The following SULF1 variants were observed in gnomAD, a reference collection of about 807,000 sequenced individuals.
The protein encoded by SULF1 is extracellular sulfatase Sulf-1.
SULF1 carries 46 observed loss-of-function variants against 110.5 expected under a neutral mutation model. The ratio of observed to expected loss-of-function variants is 0.42; its 90% CI spans 0.33 to 0.53. SULF1 has a LOEUF of 0.53. Among genes scored for constraint, SULF1 ranks in the 20% least tolerant of loss-of-function variants. The pLI, the probability that SULF1 is intolerant of heterozygous loss-of-function variation, is 0.12. For missense variants in SULF1, 941 were observed against 1,094.2 expected, an observed-to-expected ratio of 0.86 and a Z score of 1.98; for synonymous variants, 371 against 387.1, an observed-to-expected ratio of 0.96 and a Z score of 0.49.
At chr8:69,543,308 T>C (rs541284553) in intron 3 of SULF1, among the ~76,000 whole-genome samples, 85 of 152,248 alleles carry the variant, frequency 5.6e-4, no homozygotes, top group African/African-American at 1.9e-3. Flanking sequence ...TTGCTGCACC[T>C]ATCATCCATC....
intron 15 of SULF1, among the ~76,000 whole-genome samples, chr8:69,624,502 C>T (rs1266731383): frequency 2.0e-5 from 3 of 152,224 alleles, no homozygotes; most frequent in Non-Finnish European, 2.9e-5. Context: ...CTTGACTTAG[C>T]AGGCATGGAG....
At chr8:69,616,225 TATA>T (rs1563590496) in intron 13 of SULF1, among the ~76,000 whole-genome samples, 15 of 145,282 alleles carry the variant, frequency 1.0e-4, no homozygotes, top group East Asian at 5.9e-4. Context: ...TATATATATA[TATA>T]TATTTTTTTG....
intron 13 of SULF1, among the ~76,000 whole-genome samples, chr8:69,616,150 G>A (rs138664970): frequency 0.016 from 2,305 of 141,286 alleles, 82 homozygotes; most frequent in African/African-American, 0.058. Flanking sequence ...ACACATATAT[G>A]TGTGTGTATA....
intron 22 of SULF1, among the ~76,000 whole-genome samples, chr8:69,647,515 G>A (rs1230366428): frequency 2.0e-5 from 3 of 152,032 alleles, no homozygotes; most frequent in East Asian, 1.9e-4. Flanking sequence ...AATTATGTAG[G>A]TTAGAAATTT....
intron 21 of SULF1, 128 bp from the exon 22 acceptor site, chr8:69,640,680 G>A (rs1479905745): frequency 3.1e-6 from 2 of 641,490 alleles, no homozygotes; most frequent in African/African-American, 3.8e-5. Flanking sequence ...TTGGGCTTCA[G>A]CACTGTCTGT....
At chr8:69,482,811 A>G (rs1357862973) in intron 1 of SULF1, among the ~76,000 whole-genome samples, 1 of 152,308 alleles carries the variant, frequency 6.6e-6, no homozygotes, top group Non-Finnish European at 1.5e-5. Context: ...GGCAAAGTGA[A>G]CAACTAGGAT....
chr8:69,468,995 G>C (rs1349075258), intron 1 of SULF1, among the ~76,000 whole-genome samples: 1 of 152,300 alleles, frequency 6.6e-6, no homozygotes, highest in African/African-American at 2.4e-5. Flanking sequence ...ACAGGATTAG[G>C]CAGGATAGAA....
intron 19 of SULF1, among the ~76,000 whole-genome samples, chr8:69,635,133 A>G (rs1198776344): frequency 6.6e-6 from 1 of 152,252 alleles, no homozygotes; most frequent in African/African-American, 2.4e-5. Context: ...AACTAAAAAC[A>G]AAATCATTCC....
At chr8:69,507,872 C>T (rs1298747067) in intron 3 of SULF1, among the ~76,000 whole-genome samples, 1 of 151,946 alleles carries the variant, frequency 6.6e-6, no homozygotes, top group Non-Finnish European at 1.5e-5. Flanking sequence ...TATGATTTTG[C>T]TCTCAAATTA....
chr8:69,547,226 T>A (rs1210866471), intron 3 of SULF1, among the ~76,000 whole-genome samples: 1 of 152,246 alleles, frequency 6.6e-6, no homozygotes, highest in Admixed American at 6.5e-5. Context: ...TGCTCTAATT[T>A]CCCATGTAAG....
chr8:69,548,640 TA>T (rs1814462406), intron 3 of SULF1, among the ~76,000 whole-genome samples: 1 of 149,628 alleles, frequency 6.7e-6, no homozygotes, highest in African/African-American at 2.5e-5. Flanking sequence ...TTTGTATTTT[TA>T]GTAGAGACAG....
rs532312554 is a variant in SULF1, at chr8:69,658,491, C to G, written c.2586-14C>G. 3.2e-6 allele frequency: 5 copies of G among 1,564,094 alleles called. No individual in the cohort carries two copies. In the East Asian group the frequency reaches 1.1e-4, roughly 35 times the overall value. On this transcript the variant is annotated splice_polypyrimidine_tract_variant and intron_variant, in intron 22 of 22. Transcript: ENST00000402687. Reference sequence around the variant, plus strand: ...TTCTCCACTAATGATTCACCTTCTTCTCTCTTTTCACAGAGGACAGTTATG... The same window carrying G: ...TTCTCCACTAATGATTCACCTTCTTGTCTCTTTTCACAGAGGACAGTTATG...
chr8:69,557,633 G>A (rs954022587), intron 3 of SULF1, among the ~76,000 whole-genome samples: 3 of 152,052 alleles, frequency 2.0e-5, no homozygotes, highest in Admixed American at 2.0e-4. Context: ...TCTATGTTTT[G>A]TAATGCAACA....
chr8:69,597,974 C>T (rs1370506792), intron 8 of SULF1, among the ~76,000 whole-genome samples: 2 of 152,106 alleles, frequency 1.3e-5, no homozygotes, highest in Non-Finnish European at 2.9e-5. Context: ...CCCCTCTCTC[C>T]TCCTCCTCAA....
intron 21 of SULF1, 123 bp downstream of exon 21, chr8:69,638,981 T>TCC: frequency 2.0e-6 from 2 of 981,708 alleles, no homozygotes; most frequent in Non-Finnish European, 2.9e-6. Flanking sequence ...GAGGAGACAC[T>TCC]TTCCAGGCAA....
chr8:69,547,067 A>G (rs866962737), intron 3 of SULF1, among the ~76,000 whole-genome samples: 1 of 152,344 alleles, frequency 6.6e-6, no homozygotes, highest in Middle Eastern at 3.4e-3. Context: ...TTATAAAACA[A>G]CAAGATAAAA....
intron 1 of SULF1, among the ~76,000 whole-genome samples, chr8:69,471,628 A>G (rs1002353066): frequency 2.0e-5 from 3 of 152,214 alleles, no homozygotes; most frequent in Non-Finnish European, 4.4e-5. Flanking sequence ...CTGGGTTCAA[A>G]CAGACCTGTG....
intron 3 of SULF1, among the ~76,000 whole-genome samples, chr8:69,535,357 G>A (rs764542192): frequency 2.0e-4 from 30 of 152,274 alleles, no homozygotes; most frequent in Non-Finnish European, 1.6e-4. Flanking sequence ...GTGACCTGGC[G>A]TTGGGCATTG....
At chr8:69,510,017 A>T (rs890319595) in intron 3 of SULF1, among the ~76,000 whole-genome samples, 1 of 152,254 alleles carries the variant, frequency 6.6e-6, no homozygotes, top group Non-Finnish European at 1.5e-5. Flanking sequence ...TGTGACAGAC[A>T]ATAATTCTGA....
Sources: allele counts gnomAD v4.1 joint callset (sites outside exome capture counted in the v4.1 genomes callset), GRCh38; gene constraint gnomAD v4.1.1; transcripts MANE v1.5; gene names NCBI Gene and HGNC (gene_info 2026-07-23, HGNC 2026-07-21).